Variants in UST observed in about 807,000 individuals in gnomAD.
UST encodes the protein chondroitin sulfate 2-O-sulfotransferase.
Under a neutral mutation model 45.6 loss-of-function variants are expected in UST, and 21 were observed. The observed-to-expected ratio is 0.46, with a 90% CI of 0.33 to 0.66. The LOEUF (loss-of-function observed/expected upper bound fraction) is 0.66, where lower values mean the gene tolerates loss of function less well. Among genes scored for constraint, UST ranks in the 30% least tolerant of loss-of-function variants. The pLI is 0.02. For synonymous variants in UST, 215 were observed against 200.6 expected (o/e 1.07, Z -0.61); for missense variants, 463 against 512.4 (o/e 0.90, Z 0.93).
intron 2 of UST, among the ~76,000 whole-genome samples, chr6:148,938,027 A>G (rs1229223375): frequency 6.6e-6 from 1 of 152,234 alleles, no homozygotes; most frequent in Non-Finnish European, 1.5e-5. Flanking sequence ...AATTGTTGCC[A>G]ATGAACAGGC....
chr6:148,785,946 G>A (rs1404843258), intron 1 of UST, among the ~76,000 whole-genome samples: 2 of 152,154 alleles, frequency 1.3e-5, no homozygotes, highest in Non-Finnish European at 2.9e-5. Flanking sequence ...TGTTTTTATG[G>A]GTATTTTGAG....
intron 1 of UST, among the ~76,000 whole-genome samples, chr6:148,800,003 C>T (rs1048554418): frequency 6.6e-6 from 1 of 152,180 alleles, no homozygotes; most frequent in Non-Finnish European, 1.5e-5. Context: ...AAATAGTTGA[C>T]ATTAAAATTG....
chr6:148,986,534 A>G (rs906399956), intron 5 of UST, among the ~76,000 whole-genome samples: 1 of 152,214 alleles, frequency 6.6e-6, no homozygotes, highest in Non-Finnish European at 1.5e-5. Context: ...TATTTACAGC[A>G]TGGAAATCTG....
At chr6:148,993,721 G>C (rs181650956) in intron 5 of UST, among the ~76,000 whole-genome samples, 7 of 152,238 alleles carry the variant, frequency 4.6e-5, no homozygotes, top group Non-Finnish European at 1.0e-4. Flanking sequence ...TGAGTTCTCA[G>C]GAGATCTGGC....
chr6:148,937,937 A>T (rs887673082), intron 2 of UST, among the ~76,000 whole-genome samples: 1 of 152,242 alleles, frequency 6.6e-6, no homozygotes, highest in South Asian at 2.1e-4. Context: ...TAAACTAAAC[A>T]TGAAACCTAA....
intron 2 of UST, among the ~76,000 whole-genome samples, chr6:148,907,128 A>G (rs554954964): frequency 6.6e-6 from 1 of 152,324 alleles, no homozygotes. Context: ...ATGTGAGAGA[A>G]AAAAAATCTC....
chr6:148,996,930 G>A (rs1781464367), intron 5 of UST, among the ~76,000 whole-genome samples: 1 of 152,152 alleles, frequency 6.6e-6, no homozygotes, highest in South Asian at 2.1e-4. Context: ...TTTTTAATTA[G>A]AATTTTTATT....
At chr6:149,030,379 T>C (rs985772467) in intron 7 of UST, among the ~76,000 whole-genome samples, 2 of 151,946 alleles carry the variant, frequency 1.3e-5, no homozygotes, top group Non-Finnish European at 2.9e-5. Flanking sequence ...CTGTGGCTTA[T>C]ACCTGTAACC....
intron 7 of UST, among the ~76,000 whole-genome samples, chr6:149,045,672 A>T (rs1776385500): frequency 6.6e-6 from 1 of 152,176 alleles, no homozygotes; most frequent in African/African-American, 2.4e-5. Context: ...TATACAGAAC[A>T]TCTCTCTCCT....
intron 2 of UST, among the ~76,000 whole-genome samples, chr6:148,907,903 T>C (rs376508634): frequency 2.1e-3 from 4 of 1,878 alleles, no homozygotes; most frequent in African/African-American, 9.4e-3. Flanking sequence ...TTTCCAGGGC[T>C]TTTTTTTTTT....
At chr6:148,784,987 A>G (rs1407660993) in intron 1 of UST, among the ~76,000 whole-genome samples, 1 of 152,188 alleles carries the variant, frequency 6.6e-6, no homozygotes, top group African/African-American at 2.4e-5. Flanking sequence ...AGGCAGCCGG[A>G]TTGCCTGAGC....
intron 7 of UST, among the ~76,000 whole-genome samples, chr6:149,040,716 A>G (rs1328316197): frequency 2.0e-5 from 3 of 152,152 alleles, no homozygotes. Context: ...TCAGTGAAAG[A>G]CCTGCGATTC....
At chr6:148,777,843 C>T (rs1414996123) in intron 1 of UST, among the ~76,000 whole-genome samples, 1 of 152,178 alleles carries the variant, frequency 6.6e-6, no homozygotes, top group African/African-American at 2.4e-5. Flanking sequence ...CATGAGCCAC[C>T]ACACCTGGCC....
intron 5 of UST, among the ~76,000 whole-genome samples, chr6:148,997,711 A>C (rs1781479102): frequency 6.6e-6 from 1 of 152,210 alleles, no homozygotes; most frequent in Non-Finnish European, 1.5e-5. Context: ...TTATAACATT[A>C]TGGAAAATTT....
chr6:148,788,936 T>C (rs1041530700), intron 1 of UST, among the ~76,000 whole-genome samples: 2 of 152,246 alleles, frequency 1.3e-5, no homozygotes, highest in African/African-American at 4.8e-5. Flanking sequence ...GGAATAATAT[T>C]ATTCAGGTCT....
At chr6:148,881,188 C>T (rs534712351) in intron 1 of UST, among the ~76,000 whole-genome samples, 151 of 152,248 alleles carry the variant, frequency 9.9e-4, no homozygotes, top group African/African-American at 3.5e-3. Context: ...CCTTTTGTCT[C>T]CTCCGCTTAC....
chr6:148,918,090 G>A (rs761818715), intron 2 of UST, among the ~76,000 whole-genome samples: 5 of 152,122 alleles, frequency 3.3e-5, no homozygotes, highest in South Asian at 4.1e-4. Flanking sequence ...CCAAGCCCTC[G>A]TGGGGTTAAA....
chr6:148,963,077 C>A (rs1302123869), intron 4 of UST, among the ~76,000 whole-genome samples: 1 of 152,188 alleles, frequency 6.6e-6, no homozygotes, highest in African/African-American at 2.4e-5. Context: ...GAGAGGCACA[C>A]ATTTCCACAC....
intron 2 of UST, among the ~76,000 whole-genome samples, chr6:148,895,801 G>A (rs149753798): frequency 2.6e-4 from 39 of 152,334 alleles, no homozygotes; most frequent in East Asian, 1.9e-3. Flanking sequence ...CTGTGACTCC[G>A]TCAAACCTCT....
Sources: allele counts gnomAD v4.1 joint callset (sites outside exome capture counted in the v4.1 genomes callset), GRCh38; gene constraint gnomAD v4.1.1; transcripts MANE v1.5; gene names NCBI Gene and HGNC (gene_info 2026-07-23, HGNC 2026-07-21).